ENTPD3: variants seen among roughly 807,000 people sequenced by gnomAD.
ENTPD3 encodes ectonucleoside triphosphate diphosphohydrolase 3.
ENTPD3 carries 60 observed loss-of-function variants against 51.2 expected under a neutral mutation model. The observed-to-expected ratio is 1.17, with a 90% CI of 0.95 to 1.45. The LOEUF is 1.45. Ranked by LOEUF, ENTPD3 falls within the 40% of genes most tolerant of loss-of-function variation. ENTPD3 has a pLI of 0.00. For missense variants in ENTPD3, 593 were observed against 641.1 expected (o/e 0.93, Z 0.81); for synonymous variants, 221 against 238.4 (o/e 0.93, Z 0.67).
intron 4 of ENTPD3, among the ~76,000 whole-genome samples, chr3:40,405,613 C>T (rs532761208): frequency 6.6e-6 from 1 of 152,260 alleles, no homozygotes; most frequent in Admixed American, 6.5e-5. Context: ...TTAACCCTCT[C>T]TCCCCATATT....
chr3:40,421,641 A>G (rs1955874435), intron 7 of ENTPD3, among the ~76,000 whole-genome samples: 1 of 152,224 alleles, frequency 6.6e-6, no homozygotes, highest in Non-Finnish European at 1.5e-5. Flanking sequence ...TTCCTTAAAT[A>G]AAGTATGGTT....
chr3:40,420,447 G>T (rs972832583), intron 7 of ENTPD3, among the ~76,000 whole-genome samples: 1 of 151,830 alleles, frequency 6.6e-6, no homozygotes, highest in Non-Finnish European at 1.5e-5. Context: ...CACTGTGTTA[G>T]CCAGGATGGC....
intron 7 of ENTPD3, among the ~76,000 whole-genome samples, chr3:40,422,501 T>C (rs1955899254): frequency 7.0e-6 from 1 of 141,956 alleles, no homozygotes; most frequent in African/African-American, 2.6e-5. Context: ...ATGCTATCCT[T>C]CCCCCCTCCC....
chr3:40,422,139 C>T (rs2125610725), intron 7 of ENTPD3, among the ~76,000 whole-genome samples: 1 of 149,744 alleles, frequency 6.7e-6, no homozygotes, highest in Admixed American at 6.6e-5. Flanking sequence ...AATTGTCACA[C>T]ACACACACAC....
intron 10 of ENTPD3, chr3:40,424,812 C>T (rs1323360671): frequency 1.4e-6 from 1 of 701,424 alleles, no homozygotes; most frequent in East Asian, 2.7e-5. Flanking sequence ...TCAGCCTGTT[C>T]AATACCAGCT....
At chr3:40,388,246 C>T (rs1332841240) in intron 2 of ENTPD3, 149 bp downstream of exon 2, 11 of 682,290 alleles carry the variant, frequency 1.6e-5, no homozygotes, top group Non-Finnish European at 2.9e-5. Context: ...GTTTCAACAC[C>T]GGCATTCCTC....
chr3:40,392,029 A>G lies in ENTPD3; in HGVS notation c.47A>G (p.Lys16Arg). 6.2e-7 allele frequency: 1 copy of G among 1,614,134 alleles called. No individual in the cohort carries two copies. ...CTGGGTCTTCTCATTTTAGGCCTCA[A>G]GGCCCTCTACCGAACTCCAACCATC... ...TRQPCEQAGL[K>R]ALYRTPTIIA... is the part of the protein sequence containing the mutation. Residue 16 changes from lysine (K) to arginine (R), a missense_variant, in exon 3 of 11, where the codon AAG becomes AGG. Physicochemically the swap from Lys to Arg is conservative, Grantham distance 26 (BLOSUM62 2). Transcript: ENST00000301825.
chr3:40,394,136 A>C, intron 3 of ENTPD3, among the ~76,000 whole-genome samples: 1 of 151,026 alleles, frequency 6.6e-6, no homozygotes, highest in South Asian at 2.1e-4. Context: ...ATTTTGTGAG[A>C]CGGAGTCGTG....
rs1186024307 is a variant in ENTPD3, at chr3:40,423,900, C to T, written c.1290C>T (p.His430=). Residue 430 remains histidine (H), a synonymous_variant, in exon 10 of 11, where the codon CAC becomes CAT. Transcript: ENST00000301825. ...GCTTCTCAGCCAACTACATCTACCA[C>T]TTGTTTGTGAACGGTTACAAATTCA... is the stretch of plus-strand genomic sequence containing the variant. ...SYCFSANYIY[H]LFVNGYKFTE... 1 of 1,614,172 alleles carries T rather than the reference C, an allele frequency of 6.2e-7. No homozygotes were observed. The highest frequency in any genetic ancestry group is 8.5e-7 in the Non-Finnish European group (1 of 1,180,024).
intron 10 of ENTPD3, 59 bp from the exon 11 acceptor site, chr3:40,427,213 T>A: frequency 1.5e-6 from 2 of 1,342,956 alleles, no homozygotes; most frequent in South Asian, 2.4e-5. Flanking sequence ...ATGACTCCGG[T>A]ATGTGATTGC....
chr3:40,424,676 T>A, intron 10 of ENTPD3: 1 of 695,634 alleles, frequency 1.4e-6, no homozygotes, highest in Non-Finnish European at 2.6e-6. Context: ...TGAAAGGACC[T>A]CCATACCTTG....
At chr3:40,421,414 C>G (rs1256218313) in intron 7 of ENTPD3, among the ~76,000 whole-genome samples, 2 of 152,068 alleles carry the variant, frequency 1.3e-5, no homozygotes, top group Non-Finnish European at 2.9e-5. Flanking sequence ...AAAGAGAGTT[C>G]ATAAATTGAA....
intron 2 of ENTPD3, 46 bp from the exon 3 acceptor site, chr3:40,391,977 G>T (rs1259081959): frequency 2.5e-6 from 4 of 1,611,170 alleles, no homozygotes; most frequent in Non-Finnish European, 3.4e-6. Flanking sequence ...ACCAGTGCCT[G>T]GTTTTTACCT....
At chr3:40,413,938 A>G (rs1045288266) in intron 5 of ENTPD3, among the ~76,000 whole-genome samples, 4 of 152,238 alleles carry the variant, frequency 2.6e-5, no homozygotes, top group African/African-American at 9.6e-5. Flanking sequence ...GATCCTGCTT[A>G]TAGCCTTGCT....
intron 10 of ENTPD3, among the ~76,000 whole-genome samples, chr3:40,425,485 A>G (rs368864219): frequency 3.3e-4 from 51 of 152,314 alleles, no homozygotes; most frequent in African/African-American, 1.2e-3. Flanking sequence ...GATTTGCTGC[A>G]CAGAAGACTT....
Position 40,414,800 on chromosome 3 carries a change from G to A in ENTPD3, c.557G>A (p.Gly186Glu), listed in dbSNP as rs781168719. ...IISGQEEGVY[G>E]WITANYLMGN... ...TCTGGGCAAGAAGAAGGGGTATATG[G>A]ATGGATTACAGCCAACTATTTAATG... Residue 186 changes from glycine (G) to glutamate (E), a missense_variant, in exon 6 of 11, where the codon GGA becomes GAA. Gly to Glu is a moderately conservative substitution (Grantham distance 98). Transcript: ENST00000301825. The A allele has an allele frequency of 5.0e-6, 8 of 1,613,998 alleles. No individual in the cohort carries two copies. In the South Asian group the frequency reaches 7.7e-5, roughly 16 times the overall value.
chr3:40,391,813 G>A (rs1955061846), intron 2 of ENTPD3: 2 of 600,334 alleles, frequency 3.3e-6, no homozygotes, highest in Non-Finnish European at 5.8e-6. Context: ...CAATTTGTGA[G>A]GAAGGGCAAA....
intron 4 of ENTPD3, among the ~76,000 whole-genome samples, chr3:40,408,186 T>C (rs1052667597): frequency 6.6e-6 from 1 of 152,206 alleles, no homozygotes; most frequent in African/African-American, 2.4e-5. Context: ...GGACTTTGGT[T>C]TCTGCATCAC....
At chr3:40,421,092 C>T (rs1364238724) in intron 7 of ENTPD3, among the ~76,000 whole-genome samples, 5 of 150,234 alleles carry the variant, frequency 3.3e-5, no homozygotes, top group East Asian at 3.9e-4. Context: ...GGTGCAATCT[C>T]GGTTTGCTGC....
Sources: allele counts gnomAD v4.1 joint callset (sites outside exome capture counted in the v4.1 genomes callset), GRCh38; gene constraint gnomAD v4.1.1; transcripts MANE v1.5; gene names NCBI Gene and HGNC (gene_info 2026-07-23, HGNC 2026-07-21).